Variants in MAP3K14 observed in about 807,000 individuals in gnomAD.
MAP3K14 encodes the protein NF-kappa-beta-inducing kinase.
In MAP3K14, 16 loss-of-function variants were observed where a neutral mutation model predicts 99.2. That is an observed-to-expected ratio of 0.16 (90% CI 0.11 to 0.24). The LOEUF is 0.24. MAP3K14 is among the 10% of genes least tolerant of loss of function. The probability of loss-of-function intolerance (pLI) is 1.00; values close to 1 mark genes in which losing one functional copy is unlikely to be tolerated. For missense variants in MAP3K14, 784 were observed against 1,208.7 expected (o/e 0.65, Z 5.21); for synonymous variants, 462 against 492.4 (o/e 0.94, Z 0.82).
chr17:45,275,134 G>A (rs1035725895), intron 6 of MAP3K14, among the ~76,000 whole-genome samples: 25 of 144,800 alleles, frequency 1.7e-4, no homozygotes, highest in African/African-American at 1.3e-4. Context: ...GTGAGACTCC[G>A]TCTCAAAAAA....
At chr17:45,312,350 G>C (rs1598269116) in intron 1 of MAP3K14, among the ~76,000 whole-genome samples, 1 of 152,104 alleles carries the variant, frequency 6.6e-6, no homozygotes, top group South Asian at 2.1e-4. Context: ...CATCTGAACC[G>C]AGCTCCACAT....
At chr17:45,292,366 A>G (rs1487628740) in intron 1 of MAP3K14, among the ~76,000 whole-genome samples, 1 of 152,102 alleles carries the variant, frequency 6.6e-6, no homozygotes, top group African/African-American at 2.4e-5. Context: ...GGAGTTCAAG[A>G]TCAGCCTGGG....
chr17:45,300,847 T>G (rs9903009), intron 1 of MAP3K14, among the ~76,000 whole-genome samples: 1 of 151,550 alleles, frequency 6.6e-6, no homozygotes, highest in African/African-American at 2.4e-5. Flanking sequence ...GGGAACAAAT[T>G]AAAAAAAACA....
At chr17:45,284,571 CGT>C (rs1313958931) in intron 6 of MAP3K14, among the ~76,000 whole-genome samples, 2 of 152,222 alleles carry the variant, frequency 1.3e-5, no homozygotes, top group African/African-American at 4.8e-5. Flanking sequence ...ACCGAGGCCA[CGT>C]GTGTCCTCTC....
chr17:45,273,315 A>G (rs146984865), intron 9 of MAP3K14, among the ~76,000 whole-genome samples, 188 bp downstream of exon 9: 243 of 152,258 alleles, frequency 1.6e-3, no homozygotes, highest in African/African-American at 5.8e-3. Flanking sequence ...ATCGACAATG[A>G]GCACCTGACA....
chr17:45,312,031 T>C (rs745991199), intron 1 of MAP3K14, among the ~76,000 whole-genome samples: 102 of 152,308 alleles, frequency 6.7e-4, no homozygotes, highest in Middle Eastern at 3.4e-3. Context: ...CCTGCCTCCA[T>C]AGCCCTGGGG....
intron 1 of MAP3K14, among the ~76,000 whole-genome samples, chr17:45,316,637 C>G (rs905806209): frequency 6.6e-6 from 1 of 152,166 alleles, no homozygotes; most frequent in Non-Finnish European, 1.5e-5. Flanking sequence ...AGCAGGCGGG[C>G]GGGCCTGGCG....
chr17:45,287,050 G>A lies in MAP3K14; in HGVS notation c.538-5C>T, dbSNP rs374961674. 422 of 1,609,194 alleles carry A rather than the reference G, an allele frequency of 2.6e-4. 12 individuals carry two copies. The South Asian group carries it at 3.2e-3, about 12-fold the overall frequency. ...GCCGAGTGGAGACTCATCCTCCTGCGGGGGGAAACACAGCTATCAGCACAG... is the reference window on the plus strand; with the variant it reads ...GCCGAGTGGAGACTCATCCTCCTGCAGGGGGAAACACAGCTATCAGCACAG... On this transcript the variant is annotated splice_polypyrimidine_tract_variant and splice_region_variant and intron_variant, in intron 4 of 15. Coordinates refer to ENST00000344686, the MANE Select transcript of MAP3K14 (RefSeq NM_003954.5).
At chr17:45,270,197 T>C (rs1567987793) in intron 11 of MAP3K14, among the ~76,000 whole-genome samples, 1 of 152,182 alleles carries the variant, frequency 6.6e-6, no homozygotes, top group Non-Finnish European at 1.5e-5. Context: ...AGTTTGCGTG[T>C]GAGTTTTCTC....
At chr17:45,301,532 G>A (rs1462750164) in intron 1 of MAP3K14, among the ~76,000 whole-genome samples, 2 of 151,982 alleles carry the variant, frequency 1.3e-5, no homozygotes, top group South Asian at 2.1e-4. Context: ...TCTAATTACA[G>A]GGGAAGGATA....
At chr17:45,290,415 G>T in intron 2 of MAP3K14, 75 bp downstream of exon 2, 1 of 1,568,332 alleles carries the variant, frequency 6.4e-7, no homozygotes, top group East Asian at 2.3e-5. Context: ...TCCTCCATAG[G>T]GAACCCCTGG....
intron 14 of MAP3K14, chr17:45,266,156 G>A: frequency 5.7e-6 from 1 of 176,960 alleles, no homozygotes; most frequent in Non-Finnish European, 1.2e-5. Flanking sequence ...ATCCCAGAGG[G>A]GGATTCCTTT....
In MAP3K14 at chr17:45,287,028, G is replaced by A. The variant is rs191629489; in HGVS notation, c.555C>T (p.Leu185=). ...TIPVQEDESP[L]GAPYVRNTPQ... is the part of the protein sequence containing the mutation. ...GGGTGTTTCTAACATATGGGGCGCC[G>A]AGTGGAGACTCATCCTCCTGCGGGG... The change falls in exon 5 of 16, where the codon CTC becomes CTT. Residue 185 remains leucine, a synonymous_variant. Transcript: ENST00000344686. 2.3e-4 allele frequency: 364 copies of A among 1,612,028 alleles called. 1 individual carries two copies. The highest frequency in any genetic ancestry group is 2.7e-4 in the South Asian group (25 of 91,044).
intron 1 of MAP3K14, among the ~76,000 whole-genome samples, chr17:45,311,970 C>T (rs938005383): frequency 6.6e-6 from 1 of 152,170 alleles, no homozygotes; most frequent in Admixed American, 6.5e-5. Context: ...CACGATCCCC[C>T]CTCCGCTGTC....
chr17:45,264,726 C>A lies in MAP3K14; in HGVS notation c.2754G>T (p.Ser918=). 2 of 1,612,396 alleles carry A rather than the reference C, an allele frequency of 1.2e-6. No homozygotes were observed. The highest frequency in any genetic ancestry group is 2.2e-5 in the East Asian group (1 of 44,834). ...CCAGTGTGCACTGCAGGTCGATGCC[C>A]GAGTCTGGCACCTCCATGTCGTAGC... ...PVRYDMEVPD[S]GIDLQCTLAP... Residue 918 remains serine (S), a synonymous_variant, in exon 16 of 16, where the codon TCG becomes TCT. Transcript: ENST00000344686.
At chr17:45,280,524 C>T (rs1055562892) in intron 6 of MAP3K14, among the ~76,000 whole-genome samples, 3 of 152,176 alleles carry the variant, frequency 2.0e-5, no homozygotes, top group South Asian at 2.1e-4. Flanking sequence ...AGGCTGGTCT[C>T]GAACTCCCGA....
At chr17:45,305,499 G>T (rs754841379) in intron 1 of MAP3K14, among the ~76,000 whole-genome samples, 1 of 150,506 alleles carries the variant, frequency 6.6e-6, no homozygotes, top group Admixed American at 6.6e-5. Context: ...GAATTCAAGC[G>T]ATTCTTATGC....
intron 1 of MAP3K14, among the ~76,000 whole-genome samples, chr17:45,310,343 A>C (rs1213261086): frequency 1.3e-5 from 2 of 152,074 alleles, no homozygotes; most frequent in Non-Finnish European, 2.9e-5. Context: ...CTCCATTTAT[A>C]ATCTTAACTG....
rs1344425073 is a variant in MAP3K14 at position 45,272,691 on chromosome 17, G to T, written c.1657+812C>A. On this transcript the variant is annotated intron_variant, in intron 9 of 15. Coordinates refer to ENST00000344686, the MANE Select transcript of MAP3K14 (RefSeq NM_003954.5). This position sits in a 1 kb window ranked among gnomAD's most constrained non-coding sequence, Gnocchi z 4.1. ...ACGGAGGCTCATGCCTGTAATTCCA[G>T]CACTTTGGGAGGCTGAGTGGGGCGG... Among the ~76,000 whole-genome samples the T allele has an allele frequency of 1.3e-5, 2 of 152,216 alleles. No homozygotes were observed. Among genetic ancestry groups the T allele is most frequent in the Non-Finnish European group, 1.5e-5 (1 of 68,050 alleles).
Sources: allele counts gnomAD v4.1 joint callset (sites outside exome capture counted in the v4.1 genomes callset), GRCh38; gene constraint gnomAD v4.1.1; non-coding constraint Gnocchi (gnomAD v3.1); transcripts MANE v1.5; gene names NCBI Gene and HGNC (gene_info 2026-07-23, HGNC 2026-07-21).